METTL15: variants seen among roughly 807,000 people sequenced by gnomAD.
The protein encoded by METTL15 is 12S rRNA N(4)-cytidine methyltransferase METTL15.
Under a neutral mutation model 38.3 loss-of-function variants are expected in METTL15, and 34 were observed. The observed-to-expected ratio is 0.89, with a 90% CI of 0.68 to 1.18. The LOEUF is 1.18. Among genes scored for constraint, METTL15 ranks in the 50% most tolerant of loss-of-function variants. METTL15 has a pLI of 0.00. For missense variants in METTL15, 438 were observed against 498.4 expected, an observed-to-expected ratio of 0.88 and a Z score of 1.15; for synonymous variants, 162 against 170.9, an observed-to-expected ratio of 0.95 and a Z score of 0.41.
At chr11:28,242,792 G>A (rs536386803) in intron 4 of METTL15, among the ~76,000 whole-genome samples, 33 of 152,270 alleles carry the variant, frequency 2.2e-4, no homozygotes, top group Admixed American at 2.1e-3. Flanking sequence ...TGTACTAAGA[G>A]GAAAGGGTGT....
At chr11:28,216,193 T>A (rs1172908433) in intron 4 of METTL15, among the ~76,000 whole-genome samples, 2 of 152,058 alleles carry the variant, frequency 1.3e-5, no homozygotes, top group Middle Eastern at 3.2e-3. Context: ...GTTTTTTGAA[T>A]TAAAAAGTAA....
At chr11:28,174,135 G>C (rs964774738) in intron 3 of METTL15, among the ~76,000 whole-genome samples, 2 of 152,028 alleles carry the variant, frequency 1.3e-5, no homozygotes, top group Non-Finnish European at 2.9e-5. Context: ...CATTGGGGGT[G>C]GAATATCTAC....
At chr11:28,171,770 C>T (rs1850866472) in intron 3 of METTL15, among the ~76,000 whole-genome samples, 1 of 151,474 alleles carries the variant, frequency 6.6e-6, no homozygotes, top group African/African-American at 2.4e-5. Flanking sequence ...CCCCTGCCCG[C>T]CGCCTCTCTC....
chr11:28,233,411 T>C (rs1340818982), intron 4 of METTL15, among the ~76,000 whole-genome samples: 1 of 152,018 alleles, frequency 6.6e-6, no homozygotes, highest in Non-Finnish European at 1.5e-5. Context: ...ACCATTAGCT[T>C]TTTTTGTTTT....
intron 5 of METTL15, among the ~76,000 whole-genome samples, chr11:28,406,418 A>G (rs1351444521): frequency 6.6e-6 from 1 of 151,988 alleles, no homozygotes; most frequent in Admixed American, 6.6e-5. Flanking sequence ...AATTTTTGCC[A>G]TTGATTTTGT....
intron 3 of METTL15, among the ~76,000 whole-genome samples, chr11:28,345,856 A>G (rs1469759454): frequency 6.6e-6 from 1 of 152,228 alleles, no homozygotes; most frequent in East Asian, 1.9e-4. Context: ...GTCTATTCTG[A>G]GTAAATCAAT....
intron 2 of METTL15, among the ~76,000 whole-genome samples, chr11:28,112,024 TG>T (rs983955541): frequency 1.3e-5 from 2 of 152,204 alleles, no homozygotes; most frequent in Non-Finnish European, 2.9e-5. Context: ...ATAGCTTTGG[TG>T]AAGTTAACAT....
chr11:28,111,464 C>G (rs759672123), intron 2 of METTL15, among the ~76,000 whole-genome samples: 3 of 152,130 alleles, frequency 2.0e-5, no homozygotes, highest in Non-Finnish European at 4.4e-5. Context: ...TTAAGTGGAA[C>G]AGAGCCAAGC....
At chr11:28,164,446 A>G (rs1850583810) in intron 3 of METTL15, among the ~76,000 whole-genome samples, 1 of 152,178 alleles carries the variant, frequency 6.6e-6, no homozygotes, top group East Asian at 1.9e-4. Flanking sequence ...TGACATTGCC[A>G]TAATTTATAG....
chr11:28,115,337 C>T (rs1324874331), intron 3 of METTL15, among the ~76,000 whole-genome samples: 2 of 151,918 alleles, frequency 1.3e-5, no homozygotes, highest in Non-Finnish European at 2.9e-5. Context: ...TGGCCCACCG[C>T]AACCTCTGCT....
At chr11:28,296,716 T>A (rs1466548201) in intron 5 of METTL15, 37 bp from the exon 6 acceptor site, 2 of 1,606,956 alleles carry the variant, frequency 1.2e-6, no homozygotes, top group African/African-American at 2.7e-5. Context: ...CAATGAGAAC[T>A]GATGTCAGTG....
intron 6 of METTL15, among the ~76,000 whole-genome samples, chr11:28,306,602 C>T (rs1424848422): frequency 6.6e-5 from 10 of 151,998 alleles, no homozygotes; most frequent in Non-Finnish European, 1.3e-4. Flanking sequence ...CAACAGTATG[C>T]ACCTCCACTC....
chr11:28,510,501 TTAA>T (rs1002219796), intron 6 of METTL15, among the ~76,000 whole-genome samples: 9 of 152,200 alleles, frequency 5.9e-5, no homozygotes, highest in African/African-American at 1.7e-4. Context: ...CCAATTCTGA[TTAA>T]TAATCATAAC....
intron 5 of METTL15, among the ~76,000 whole-genome samples, chr11:28,378,539 A>T (rs1226974144): frequency 6.6e-6 from 1 of 152,086 alleles, no homozygotes; most frequent in African/African-American, 2.4e-5. Context: ...GCACCCACTG[A>T]CCTGCACCCA....
intron 6 of METTL15, among the ~76,000 whole-genome samples, chr11:28,321,861 C>T (rs997641785): frequency 2.7e-5 from 4 of 147,660 alleles, no homozygotes; most frequent in East Asian, 2.3e-4. Flanking sequence ...ATAGGAGAAA[C>T]GCATCAATGG....
chr11:28,299,274 A>G (rs1319953221), intron 6 of METTL15, among the ~76,000 whole-genome samples: 1 of 139,684 alleles, frequency 7.2e-6, no homozygotes, highest in Non-Finnish European at 1.5e-5. Flanking sequence ...CTTTAAAGGC[A>G]TTTGCAAAGC....
At chr11:28,531,399 G>T (rs748659201), downstream of METTL15, among the ~76,000 whole-genome samples, 6 of 151,914 alleles carry the variant, frequency 3.9e-5, no homozygotes, top group Non-Finnish European at 7.4e-5. Context: ...AGGAACTCAC[G>T]TGCCTAGGTT....
At chr11:28,532,283 A>G in the METTL15 span, among the ~76,000 whole-genome samples, 1 of 152,076 alleles carries the variant, frequency 6.6e-6, no homozygotes, top group Non-Finnish European at 1.5e-5. Context: ...ATCAAGGTGT[A>G]TATTTTAAGA....
intron 5 of METTL15, among the ~76,000 whole-genome samples, chr11:28,374,677 C>T (rs1464326517): frequency 2.0e-5 from 3 of 150,626 alleles, no homozygotes; most frequent in Non-Finnish European, 4.4e-5. Context: ...TGCCTAATTG[C>T]CCTGGCCAGA....
Sources: gnomAD v4.1 joint callset for allele counts (sites outside exome capture counted in the v4.1 genomes callset) on GRCh38, gnomAD v4.1.1 for gene constraint, MANE v1.5 for transcripts, NCBI Gene and HGNC (gene_info 2026-07-23, HGNC 2026-07-21) for gene names.